The following TFRC variants were observed in gnomAD, a reference collection of about 807,000 sequenced individuals.
TFRC encodes transferrin receptor.
In TFRC, 35 loss-of-function variants were observed where a neutral mutation model predicts 85.8. That is an observed-to-expected ratio of 0.41 (90% CI 0.31 to 0.54). The LOEUF (loss-of-function observed/expected upper bound fraction) is 0.54, where lower values mean the gene tolerates loss of function less well. TFRC is among the 20% of genes least tolerant of loss of function. The pLI, the probability that TFRC is intolerant of heterozygous loss-of-function variation, is 0.31. For synonymous variants in TFRC, 362 were observed against 328.6 expected, an observed-to-expected ratio of 1.10 and a Z score of -1.10; for missense variants, 828 against 921.5, an observed-to-expected ratio of 0.90 and a Z score of 1.31.
chr3:196,062,676 T>A, intron 12 of TFRC, 31 bp from the exon 13 acceptor site: 1 of 1,586,866 alleles, frequency 6.3e-7, no homozygotes, highest in East Asian at 2.2e-5. Context: ...CTAATAAGTA[T>A]AAATCTGTTT....
chr3:196,056,072 T>C (rs1716767031), intron 16 of TFRC, among the ~76,000 whole-genome samples: 1 of 152,122 alleles, frequency 6.6e-6, no homozygotes, highest in Non-Finnish European at 1.5e-5. Context: ...GGTCACTCTG[T>C]CACCCAGGCT....
chr3:196,078,691 A>G (rs1235757464), intron 1 of TFRC, among the ~76,000 whole-genome samples: 1 of 152,138 alleles, frequency 6.6e-6, no homozygotes, highest in Non-Finnish European at 1.5e-5. Flanking sequence ...AAAAAGCTCT[A>G]AAACCTATTA....
At chr3:196,058,744 C>A (rs1717032557) in intron 14 of TFRC, 112 bp from the exon 15 acceptor site, 1 of 614,330 alleles carries the variant, frequency 1.6e-6, no homozygotes, top group African/African-American at 1.9e-5. Context: ...TGTATTATAT[C>A]TTCTTGAAAA....
In TFRC at chr3:196,073,967, C is replaced by T; in HGVS notation, c.397G>A (p.Glu133Lys). The change falls in exon 4 of 19, where the codon GAG becomes AAG. Residue 133 changes from glutamate (E) to lysine (K), a missense_variant. Coordinates refer to ENST00000360110, the MANE Select transcript of TFRC (RefSeq NM_001128148.3). ...YWDDLKRKLS[E>K]KLDSTDFTGT... is the part of the protein sequence containing the mutation. ...GTGAAGTCTGTGCTGTCCAGTTTCT[C>T]CGACAACTTTCTCTTCAGGTCATCC... 6.2e-7 allele frequency: 1 copy of T among 1,614,158 alleles called. No individual in the cohort carries two copies. Among genetic ancestry groups the T allele is most frequent in the Non-Finnish European group, 8.5e-7 (1 of 1,180,016 alleles).
chr3:196,062,377 C>G lies in TFRC; in HGVS notation c.1468+205G>C, dbSNP rs1027414133. 7.5e-6 allele frequency: 4 copies of G among 532,750 alleles called. No individual in the cohort carries two copies. The African/African-American group carries it at 7.9e-5, about 10-fold the overall frequency. 33.0% of individuals were successfully genotyped at this position (532,750 alleles called of 1,614,324 possible). On this transcript the variant is annotated intron_variant, in intron 13 of 18. Transcript: ENST00000360110. ...TGAAGCCCTGTCTCTACTAAAAATA[C>G]AAAAAATTAGCTGGGTGTGGTAGTG... is the stretch of plus-strand genomic sequence containing the variant.
At chr3:196,055,614 G>T in intron 16 of TFRC, 3 of 393,710 alleles carry the variant, frequency 7.6e-6, no homozygotes, top group Non-Finnish European at 1.4e-5. Context: ...TCTCTGGGAA[G>T]TTTGGGCCTT....
intron 16 of TFRC, among the ~76,000 whole-genome samples, chr3:196,057,781 C>CAAAAAAAAAAAAAAAAAAAAAAAAAAA (rs370832734): frequency 1.3e-5 from 1 of 77,580 alleles, no homozygotes; most frequent in Admixed American, 1.4e-4. Flanking sequence ...TCACCATTGT[C>CAAAAAAAAAAAAAAAAAAAAAAAAAAA]AAAAAAAAAA....
chr3:196,063,381 C>A (rs1717446551), intron 11 of TFRC: 1 of 153,812 alleles, frequency 6.5e-6, no homozygotes, highest in Non-Finnish European at 1.4e-5. Flanking sequence ...AATAAAAATT[C>A]ACAAATTTAA....
chr3:196,061,781 G>A (rs1045480534), intron 13 of TFRC, among the ~76,000 whole-genome samples: 5 of 152,086 alleles, frequency 3.3e-5, no homozygotes, highest in South Asian at 2.1e-4. Context: ...GCACCACTGC[G>A]CCCAGCCCAA....
chr3:196,064,422 T>C lies in TFRC; in HGVS notation c.1205A>G (p.Tyr402Cys), dbSNP rs745966083. ...VIKGFVEPDH[Y>C]VVVGAQRDAW... Reference sequence around the variant, plus strand: ...ATCTCTCTGGGCCCCAACTACAACATAGTGATCTTTAAAAAAGAAAAAAGA... The same window carrying C: ...ATCTCTCTGGGCCCCAACTACAACACAGTGATCTTTAAAAAAGAAAAAAGA... Residue 402 changes from tyrosine (Y) to cysteine (C), a missense_variant, in exon 11 of 19, where the codon TAT becomes TGT. Physicochemically the swap from Tyr to Cys is radical, Grantham distance 194 (BLOSUM62 -2). Coordinates refer to ENST00000360110, the MANE Select transcript of TFRC (RefSeq NM_001128148.3). 13 of 1,577,926 alleles carry C rather than the reference T, an allele frequency of 8.2e-6. No homozygotes were observed. The highest frequency in any genetic ancestry group is 1.0e-5 in the Non-Finnish European group (12 of 1,170,166).
chr3:196,080,142 C>T (rs1719046113), intron 1 of TFRC, among the ~76,000 whole-genome samples: 3 of 152,276 alleles, frequency 2.0e-5, no homozygotes, highest in African/African-American at 7.2e-5. Context: ...ATCTCGCTGT[C>T]GCGCAGGCTG....
At chr3:196,066,673 G>A (rs914016568) in intron 9 of TFRC, among the ~76,000 whole-genome samples, 4 of 152,120 alleles carry the variant, frequency 2.6e-5, no homozygotes, top group Admixed American at 6.5e-5. Flanking sequence ...GCCTCTTAGC[G>A]TTATCAATAG....
At chr3:196,062,440 G>A (rs1156853370) in intron 13 of TFRC, 142 bp downstream of exon 13, 2 of 721,352 alleles carry the variant, frequency 2.8e-6, no homozygotes, top group Admixed American at 2.7e-5. Context: ...GGCTAAGGCA[G>A]GAGAATCGCT....
At chr3:196,054,206 T>C (rs1716582694) in intron 17 of TFRC, among the ~76,000 whole-genome samples, 1 of 150,256 alleles carries the variant, frequency 6.7e-6, no homozygotes, top group African/African-American at 2.5e-5. Flanking sequence ...CCACTGCACT[T>C]CAGCCTGGCC....
At chr3:196,059,918 AT>A (rs1288771005) in intron 14 of TFRC, among the ~76,000 whole-genome samples, 1 of 152,138 alleles carries the variant, frequency 6.6e-6, no homozygotes, top group Non-Finnish European at 1.5e-5. Flanking sequence ...TCTATAGACA[AT>A]CCCCTGTGGG....
chr3:196,057,794 A>G (rs41297521), intron 16 of TFRC, among the ~76,000 whole-genome samples: 1 of 149,326 alleles, frequency 6.7e-6, no homozygotes, highest in Non-Finnish European at 1.5e-5. Context: ...AAAAAAAAAA[A>G]AAAACAAAAC....
At chr3:196,052,246 T>C (rs1716384630) in intron 18 of TFRC, 62 bp from the exon 19 acceptor site, 1 of 1,534,186 alleles carries the variant, frequency 6.5e-7, no homozygotes, top group Non-Finnish European at 8.8e-7. Context: ...AAAACAACAG[T>C]TCACTTCAAA....
At chr3:196,077,243 G>A in intron 1 of TFRC, 121 bp from the exon 2 acceptor site, 2 of 647,988 alleles carry the variant, frequency 3.1e-6, no homozygotes, top group Non-Finnish European at 2.6e-6. Context: ...TTCTAGAAAA[G>A]GTATTTAACC....
intron 13 of TFRC, among the ~76,000 whole-genome samples, chr3:196,061,730 TC>T (rs1194903934): frequency 6.6e-6 from 1 of 152,198 alleles, no homozygotes; most frequent in Non-Finnish European, 1.5e-5. Flanking sequence ...CCTCAGGTGA[TC>T]CGCCTGCCTT....
Sources: gnomAD v4.1 joint callset for allele counts (sites outside exome capture counted in the v4.1 genomes callset) on GRCh38, gnomAD v4.1.1 for gene constraint, MANE v1.5 for transcripts, NCBI Gene and HGNC (gene_info 2026-07-23, HGNC 2026-07-21) for gene names.